Variants in VWCE observed in about 807,000 individuals in gnomAD.
VWCE encodes the protein von Willebrand factor C and EGF domains, also known as von Willebrand factor C and EGF domain-containing protein.
A neutral mutation model predicts 102.9 loss-of-function variants in VWCE; 68 were observed. The ratio of observed to expected loss-of-function variants is 0.66; its 90% CI spans 0.54 to 0.81. The LOEUF is 0.81. Ranked by LOEUF, VWCE falls within the 30% of genes least tolerant of loss-of-function variation. VWCE has a pLI of 0.00. For missense variants in VWCE, 1,137 were observed against 1,263.6 expected, an observed-to-expected ratio of 0.90 and a Z score of 1.52; for synonymous variants, 497 against 515.4, an observed-to-expected ratio of 0.96 and a Z score of 0.48.
intron 9 of VWCE, among the ~76,000 whole-genome samples, chr11:61,279,754 C>A (rs1855057155): frequency 6.6e-6 from 1 of 152,112 alleles, no homozygotes; most frequent in African/African-American, 2.4e-5. Flanking sequence ...TAGCCAGGGT[C>A]TCACTCTGTT....
At chr11:61,282,707 C>T (rs1855179758) in intron 6 of VWCE, 82 bp downstream of exon 6, 1 of 1,152,624 alleles carries the variant, frequency 8.7e-7, no homozygotes, top group Non-Finnish European at 1.3e-6. Context: ...TAATTGTTAA[C>T]CTTCCCGGGT....
intron 4 of VWCE, among the ~76,000 whole-genome samples, chr11:61,289,304 G>A (rs1855426193): frequency 6.6e-6 from 1 of 151,964 alleles, no homozygotes; most frequent in Admixed American, 6.5e-5. Flanking sequence ...AGGCTGGAGT[G>A]CAGTGGTGTG....
At position 61,286,433 on chromosome 11, in the gene VWCE, G is replaced by A. The variant is rs1855328611; in HGVS notation, c.425-3C>T. 6.2e-7 allele frequency: 1 copy of A among 1,610,010 alleles called. No homozygotes were observed. The highest frequency in any genetic ancestry group is 8.5e-7 in the Non-Finnish European group (1 of 1,178,888). On this transcript the variant is annotated splice_polypyrimidine_tract_variant and splice_region_variant and intron_variant, in intron 4 of 19. Coordinates refer to ENST00000335613, the MANE Select transcript of VWCE (RefSeq NM_152718.2). The stretch of plus-strand genomic sequence containing the variant: ...GGAGGTTACACATTCGTCAATGTCT[G>A]GAAAGACAGAAAGCACGTGTTTACA...
intron 9 of VWCE, among the ~76,000 whole-genome samples, chr11:61,278,812 G>A (rs576804020): frequency 9.0e-4 from 137 of 152,244 alleles, no homozygotes; most frequent in African/African-American, 3.2e-3. Context: ...AGGCCAAGGC[G>A]GGCAGACCAC....
chr11:61,292,260 C>T (rs1035787851), intron 1 of VWCE, among the ~76,000 whole-genome samples: 1 of 152,012 alleles, frequency 6.6e-6, no homozygotes, highest in Non-Finnish European at 1.5e-5. Context: ...AAGATTCTTC[C>T]TCAGACACAC....
At chr11:61,291,143 T>G in intron 3 of VWCE, 121 bp downstream of exon 3, 2 of 1,237,042 alleles carry the variant, frequency 1.6e-6, no homozygotes, top group Non-Finnish European at 2.2e-6. Flanking sequence ...GCACAAAATG[T>G]CTACCTAATG....
Position 61,264,574 on chromosome 11 carries a change from C to T in VWCE, c.2143G>A (p.Gly715Arg). The T allele has an allele frequency of 6.2e-7, 1 of 1,608,338 alleles. No homozygotes were observed. Among genetic ancestry groups the T allele is most frequent in the Non-Finnish European group, 8.5e-7 (1 of 1,177,576 alleles). The change falls in exon 19 of 20, where the codon GGA (glycine) becomes AGA (arginine). Residue 715 changes from glycine to arginine, a missense_variant. This residue lies in a region of VWCE where 316 missense variants were observed against 319.3 expected (regional missense o/e 0.99). Coordinates refer to ENST00000335613, the MANE Select transcript of VWCE (RefSeq NM_152718.2). The stretch of plus-strand genomic sequence containing the variant: ...GGAACCTTCTCACAGCTCACCTCTC[C>T]CAGCTGGGGAAGCAGAAGGAACCCC... ...EPCTRCTCQL[G>R]EVSCEKVPCQ...
chr11:61,285,434 CT>C (rs965811055), intron 5 of VWCE, among the ~76,000 whole-genome samples: 1 of 152,132 alleles, frequency 6.6e-6, no homozygotes, highest in Non-Finnish European at 1.5e-5. Flanking sequence ...AGGATTCCTT[CT>C]CTTCCCTGGG....
At chr11:61,287,134 T>G (rs1014619362) in intron 4 of VWCE, among the ~76,000 whole-genome samples, 1 of 151,996 alleles carries the variant, frequency 6.6e-6, no homozygotes, top group East Asian at 1.9e-4. Context: ...AAATCTCCCT[T>G]GCACGGCCCT....
intron 6 of VWCE, 35 bp downstream of exon 6, chr11:61,282,754 T>G (rs1282627639): frequency 6.4e-7 from 1 of 1,565,646 alleles, no homozygotes; most frequent in Non-Finnish European, 8.8e-7. Context: ...ATTGGCAGCC[T>G]AAGTGTGCAG....
At chr11:61,273,178 G>A in intron 13 of VWCE, 21 bp downstream of exon 13, 1 of 1,611,472 alleles carries the variant, frequency 6.2e-7, no homozygotes, top group Non-Finnish European at 8.5e-7. Context: ...CCTGTGTCGG[G>A]GCAGCCCTGG....
chr11:61,278,355 A>G lies in VWCE; in HGVS notation c.1407+39T>C, dbSNP rs750253753. ...TCCTCTAAAACCCCCAAAGGTTAAG[A>G]AAACACCCACGAGGCTTTGAGGATC... On this transcript the variant is annotated intron_variant, in intron 10 of 19. Coordinates refer to ENST00000335613, the MANE Select transcript of VWCE (RefSeq NM_152718.2). The G allele has an allele frequency of 3.1e-6, 5 of 1,610,410 alleles. No homozygotes were observed. In the Admixed American group the frequency reaches 6.7e-5, roughly 22 times the overall value.
intron 14 of VWCE, among the ~76,000 whole-genome samples, chr11:61,270,047 A>T (rs1196164757): frequency 6.6e-6 from 1 of 151,280 alleles, no homozygotes; most frequent in Non-Finnish European, 1.5e-5. Flanking sequence ...CCTCCCGAGT[A>T]GCTGGGATTA....
At chr11:61,278,263 A>G (rs1854991094) in intron 10 of VWCE, 131 bp downstream of exon 10, 1 of 1,027,234 alleles carries the variant, frequency 9.7e-7, no homozygotes, top group East Asian at 2.4e-5. Context: ...TTCTAACCAA[A>G]TTCCACAACC....
At chr11:61,276,918 GGAGGA>G (rs1409699802) in intron 10 of VWCE, among the ~76,000 whole-genome samples, 1 of 126,044 alleles carries the variant, frequency 7.9e-6, no homozygotes, top group Non-Finnish European at 1.7e-5. Flanking sequence ...GAGAAAGGGA[GGAGGA>G]GAGGAGAGGA....
At chr11:61,279,539 G>A (rs1408036264) in intron 9 of VWCE, among the ~76,000 whole-genome samples, 3 of 151,668 alleles carry the variant, frequency 2.0e-5, no homozygotes, top group Non-Finnish European at 4.4e-5. Flanking sequence ...TCCAGCCTGG[G>A]TGACAGAGCA....
At position 61,274,514 on chromosome 11, in the gene VWCE, G is replaced by A. The variant is rs780278078; in HGVS notation, c.1566C>T (p.Thr522=). The A allele has an allele frequency of 1.2e-6, 2 of 1,613,192 alleles. No homozygotes were observed. The highest frequency in any genetic ancestry group is 1.1e-5 in the South Asian group (1 of 90,786). ...GCCACCATACCTGGCAAACACAGGT[G>A]GTACACTCGTCACCACCCCCACTGA... The part of the protein sequence containing the change: ...AVFSGGGDEC[T]TCVCQNGEVE... Residue 522 remains threonine (T), a synonymous_variant, in exon 12 of 20, where the codon ACC becomes ACT. Transcript: ENST00000335613.
At chr11:61,271,468 A>G in intron 14 of VWCE, 1 of 498,546 alleles carries the variant, frequency 2.0e-6, no homozygotes, top group African/African-American at 2.0e-5. Flanking sequence ...TCTTAAGGCC[A>G]ACTGCCAAGC....
intron 16 of VWCE, among the ~76,000 whole-genome samples, chr11:61,265,571 G>A (rs1252468919): frequency 6.6e-6 from 1 of 152,208 alleles, no homozygotes; most frequent in African/African-American, 2.4e-5. Context: ...CGTGCAGTGG[G>A]TCACTCAGGG....
Sources: gnomAD v4.1 joint callset for allele counts (sites outside exome capture counted in the v4.1 genomes callset) on GRCh38, gnomAD v4.1.1 for gene constraint, gnomAD v4.1.1 regional missense constraint, MANE v1.5 for transcripts, NCBI Gene and HGNC (gene_info 2026-07-23, HGNC 2026-07-21) for gene names.